The following DENND5B variants were observed in gnomAD, a reference collection of about 807,000 sequenced individuals.
DENND5B encodes DENN domain containing 5B.
In DENND5B, 34 loss-of-function variants were observed where a neutral mutation model predicts 140.6. The observed-to-expected ratio is 0.24, with a 90% CI of 0.18 to 0.32. The LOEUF (loss-of-function observed/expected upper bound fraction) is 0.32, where lower values mean the gene tolerates loss of function less well. Ranked by LOEUF, DENND5B falls within the 10% of genes least tolerant of loss-of-function variation. DENND5B has a pLI of 1.00. For synonymous variants in DENND5B, 551 were observed against 562.1 expected (o/e 0.98, Z 0.28); for missense variants, 1,142 against 1,560.2 (o/e 0.73, Z 4.52).
rs754802472 is a variant in DENND5B at position 31,452,183 on chromosome 12, C to T, written c.1386G>A (p.Lys462=). The part of the protein sequence containing the change: ...ETIARLQALA[K]RTGVAVEKMD... Reference sequence around the variant, plus strand: ...TTTTTTCCACAGCCACACCAGTACGCTTGGCCAGAGCCTGCAAGCGGGCTA... The same window carrying T: ...TTTTTTCCACAGCCACACCAGTACGTTTGGCCAGAGCCTGCAAGCGGGCTA... Residue 462 remains lysine, a synonymous_variant, in exon 5 of 21, where the codon AAG becomes AAA. Transcript: ENST00000389082. 1.9e-6 allele frequency: 3 copies of T among 1,613,986 alleles called. No individual in the cohort carries two copies. The highest frequency in any genetic ancestry group is 1.6e-4 in the Middle Eastern group (1 of 6,062).
At position 31,392,756 on chromosome 12, in the gene DENND5B, G is replaced by C. The variant is rs1941215985; in HGVS notation, c.3257-60C>G. The C allele has an allele frequency of 2.8e-6, 4 of 1,453,748 alleles. No individual in the cohort carries two copies. The Admixed American group carries it at 8.4e-5, about 31-fold the overall frequency. The allele number at this position is 1,453,748 out of a possible 1,614,324, so 90.1% of individuals were successfully genotyped here. On this transcript the variant is annotated intron_variant, in intron 17 of 20. Coordinates refer to ENST00000389082, the MANE Select transcript of DENND5B (RefSeq NM_144973.4). The stretch of plus-strand genomic sequence containing the variant: ...GGAGAGAAATAAACCAAAGTACTAT[G>C]GGACATCAACTGTGTCCACCTAGGC...
At chr12:31,392,159 AATAT>A in intron 19 of DENND5B, 104 bp downstream of exon 19, 1 of 1,160,556 alleles carries the variant, frequency 8.6e-7, no homozygotes, top group Non-Finnish European at 1.1e-6. Context: ...AAAGAAAAAA[AATAT>A]ATATATCCTT....
intron 1 of DENND5B, among the ~76,000 whole-genome samples, chr12:31,511,887 T>C (rs185309366): frequency 6.6e-6 from 1 of 151,048 alleles, no homozygotes; most frequent in African/African-American, 2.4e-5. Context: ...AACTAAAATA[T>C]AATTTAAGAA....
intron 1 of DENND5B, among the ~76,000 whole-genome samples, chr12:31,552,128 T>A (rs561988163): frequency 3.2e-4 from 49 of 152,318 alleles, no homozygotes; most frequent in African/African-American, 9.6e-4. Context: ...AGAGAGGGCA[T>A]CCCTGTCTTG....
rs550434652 is a variant in DENND5B, at chr12:31,554,558, G to A, written c.127+36148C>T. Among the ~76,000 whole-genome samples the A allele has an allele frequency of 1.2e-3, 180 of 152,146 alleles. 2 individuals carry two copies. Among genetic ancestry groups the A allele is most frequent in the African/African-American group, 4.2e-3 (176 of 41,478 alleles). ...TTATGTGTCTTGGAGTTGCTCTCTC[G>A]AGGAGTATCTTTGTCGCGTCCTCTG... On this transcript the variant is annotated intron_variant, in intron 1 of 20. Transcript: ENST00000389082.
At chr12:31,398,462 A>T in intron 16 of DENND5B, 100 bp from the exon 17 acceptor site, 1 of 1,175,788 alleles carries the variant, frequency 8.5e-7, no homozygotes, top group Non-Finnish European at 1.2e-6. Context: ...GCACCACCAC[A>T]CCTGGCTAAT....
chr12:31,479,528 C>T (rs1945973402), intron 3 of DENND5B, 61 bp downstream of exon 3: 1 of 1,388,102 alleles, frequency 7.2e-7, no homozygotes, highest in Admixed American at 3.0e-5. Flanking sequence ...CCCATGGAAA[C>T]ACAGTAGTTG....
intron 1 of DENND5B, among the ~76,000 whole-genome samples, chr12:31,570,570 C>T (rs1949786756): frequency 6.6e-6 from 1 of 150,386 alleles, no homozygotes; most frequent in Non-Finnish European, 1.5e-5. Context: ...AGCCACTGCA[C>T]CCAGCCAAAA....
intron 1 of DENND5B, among the ~76,000 whole-genome samples, chr12:31,500,007 A>G (rs1337739237): frequency 6.6e-6 from 1 of 152,254 alleles, no homozygotes; most frequent in East Asian, 1.9e-4. Context: ...CAGATATCAT[A>G]CAAGTTGAGT....
At chr12:31,544,526 C>G (rs1948789143) in intron 1 of DENND5B, among the ~76,000 whole-genome samples, 1 of 152,148 alleles carries the variant, frequency 6.6e-6, no homozygotes, top group Non-Finnish European at 1.5e-5. Context: ...CTCAAGTGAT[C>G]CTCCCACCTC....
chr12:31,492,200 T>C (rs1946554461), intron 2 of DENND5B, among the ~76,000 whole-genome samples: 2 of 152,224 alleles, frequency 1.3e-5, no homozygotes, highest in African/African-American at 4.8e-5. Context: ...GGGAAACTTT[T>C]GCTGCTTACA....
At chr12:31,444,704 A>C (rs1256545340) in intron 6 of DENND5B, among the ~76,000 whole-genome samples, 2 of 152,230 alleles carry the variant, frequency 1.3e-5, no homozygotes, top group African/African-American at 4.8e-5. Flanking sequence ...TTCCATCAGG[A>C]AGGGAGAAAT....
chr12:31,525,267 A>C (rs779867379), intron 1 of DENND5B, among the ~76,000 whole-genome samples: 1 of 152,262 alleles, frequency 6.6e-6, no homozygotes, highest in Non-Finnish European at 1.5e-5. Context: ...TATTCATAAT[A>C]GCCCAAAAGT....
At chr12:31,524,673 T>C (rs1301848155) in intron 1 of DENND5B, among the ~76,000 whole-genome samples, 1 of 149,252 alleles carries the variant, frequency 6.7e-6, no homozygotes, top group African/African-American at 2.5e-5. Flanking sequence ...AAAGAAGGAA[T>C]ATCCTTGAAA....
At chr12:31,394,485 G>C (rs1327239980) in intron 17 of DENND5B, among the ~76,000 whole-genome samples, 1 of 152,082 alleles carries the variant, frequency 6.6e-6, no homozygotes, top group Non-Finnish European at 1.5e-5. Context: ...TTTTAAATCA[G>C]CATAATTAAA....
chr12:31,539,965 G>A (rs1252307162), intron 1 of DENND5B, among the ~76,000 whole-genome samples: 5 of 151,918 alleles, frequency 3.3e-5, no homozygotes, highest in Non-Finnish European at 5.9e-5. Flanking sequence ...ATATGATCTC[G>A]TATTTGGAAA....
chr12:31,572,678 G>A (rs1565708494), intron 1 of DENND5B, among the ~76,000 whole-genome samples: 1 of 151,956 alleles, frequency 6.6e-6, no homozygotes, highest in Non-Finnish European at 1.5e-5. Context: ...TCTAAAAAGT[G>A]CTTATTATAA....
Position 31,521,279 on chromosome 12 carries a change from G to A in DENND5B, c.128-25360C>T, listed in dbSNP as rs58609156. Among the ~76,000 whole-genome samples, 383 of 151,450 alleles carry A rather than the reference G, an allele frequency of 2.5e-3. 7 individuals carry two copies. The highest frequency in any genetic ancestry group is 9.1e-3 in the African/African-American group (374 of 41,286). ...TTCCACTGTACATTCTGTGGGGTGT[G>A]CAGATATCAGACATTCACTTTAGTA... On this transcript the variant is annotated intron_variant, in intron 1 of 20. Coordinates refer to ENST00000389082, the MANE Select transcript of DENND5B (RefSeq NM_144973.4).
intron 1 of DENND5B, among the ~76,000 whole-genome samples, chr12:31,505,720 A>G (rs1322121075): frequency 6.6e-6 from 1 of 152,194 alleles, no homozygotes; most frequent in Non-Finnish European, 1.5e-5. Flanking sequence ...GAAAGGAATC[A>G]AACAAAAGAA....
Sources: allele counts gnomAD v4.1 joint callset (sites outside exome capture counted in the v4.1 genomes callset), GRCh38; gene constraint gnomAD v4.1.1; transcripts MANE v1.5; gene names NCBI Gene and HGNC (gene_info 2026-07-23, HGNC 2026-07-21).